Variants in ZCCHC7 observed in about 807,000 individuals in gnomAD.
ZCCHC7 encodes zinc finger CCHC domain-containing protein 7.
A neutral mutation model predicts 52.0 loss-of-function variants in ZCCHC7; 35 were observed. That is an observed-to-expected ratio of 0.67 (90% CI 0.51 to 0.89). The LOEUF (loss-of-function observed/expected upper bound fraction) is 0.89. ZCCHC7 is among the 40% of genes least tolerant of loss of function. The probability of loss-of-function intolerance (pLI) is 0.00; values close to 1 mark genes in which losing one functional copy is unlikely to be tolerated. For synonymous variants in ZCCHC7, 217 were observed against 221.5 expected (o/e 0.98, Z 0.18); for missense variants, 574 against 649.1 (o/e 0.88, Z 1.26).
At chr9:37,280,276 C>A (rs1280967827) in intron 2 of ZCCHC7, among the ~76,000 whole-genome samples, 1 of 152,128 alleles carries the variant, frequency 6.6e-6, no homozygotes, top group Non-Finnish European at 1.5e-5. Context: ...AAGTCCACAA[C>A]CATAATTGGA....
At chr9:37,156,532 T>C (rs751873694) in intron 2 of ZCCHC7, among the ~76,000 whole-genome samples, 5 of 152,236 alleles carry the variant, frequency 3.3e-5, no homozygotes, top group African/African-American at 7.2e-5. Flanking sequence ...TTTTAAATTC[T>C]TTTCATAGCA....
chr9:37,129,328 G>A (rs1044986293), intron 2 of ZCCHC7, among the ~76,000 whole-genome samples: 20 of 152,156 alleles, frequency 1.3e-4, no homozygotes, highest in African/African-American at 4.6e-4. Context: ...TTCTGTTTTA[G>A]CCAAATAGAA....
intron 5 of ZCCHC7, among the ~76,000 whole-genome samples, chr9:37,307,387 CAT>C (rs935788261): frequency 6.6e-6 from 1 of 151,994 alleles, no homozygotes; most frequent in Non-Finnish European, 1.5e-5. Context: ...TACATAGTAA[CAT>C]ATGTTTATTT....
intron 2 of ZCCHC7, among the ~76,000 whole-genome samples, chr9:37,271,278 A>G (rs980597080): frequency 1.3e-5 from 2 of 152,212 alleles, no homozygotes; most frequent in Non-Finnish European, 2.9e-5. Context: ...TGAAAATACA[A>G]TCAGCAAAAT....
At position 37,302,214 on chromosome 9, in the gene ZCCHC7, A is replaced by G. The variant is rs1192902773; in HGVS notation, c.637A>G (p.Ser213Gly). The G allele has an allele frequency of 1.9e-6, 3 of 1,608,464 alleles. No individual in the cohort carries two copies. The highest frequency in any genetic ancestry group is 1.1e-5 in the South Asian group (1 of 90,262). Residue 213 changes from serine (S) to glycine (G), a missense_variant, in exon 3 of 9, where the codon AGT becomes GGT. Around this residue, in one of 3 missense-constraint regions of ZCCHC7, gnomAD observed 403 missense variants for 461.2 expected, o/e 0.87. Transcript: ENST00000336755. ...EGEDGINWSI[S>G]DKDIEAQIAN... The stretch of plus-strand genomic sequence containing the variant: ...AGAAGATGGTATAAACTGGTCCATC[A>G]GTGACAAAGACATTGAGGTAAAATC...
intron 2 of ZCCHC7, among the ~76,000 whole-genome samples, chr9:37,293,819 G>T (rs1382281579): frequency 6.6e-6 from 1 of 152,012 alleles, no homozygotes; most frequent in East Asian, 1.9e-4. Flanking sequence ...CATAGACAAA[G>T]GCCTTAATAT....
chr9:37,236,201 A>G (rs1029229940), intron 2 of ZCCHC7, among the ~76,000 whole-genome samples: 2 of 152,216 alleles, frequency 1.3e-5, no homozygotes, highest in South Asian at 2.1e-4. Flanking sequence ...CTCCACATCT[A>G]TGCCAGCATT....
chr9:37,344,751 T>A (rs1820856202), intron 6 of ZCCHC7, among the ~76,000 whole-genome samples: 1 of 152,248 alleles, frequency 6.6e-6, no homozygotes, highest in Non-Finnish European at 1.5e-5. Flanking sequence ...TGGCTCTATT[T>A]ATCTTCCACC....
intron 2 of ZCCHC7, among the ~76,000 whole-genome samples, chr9:37,244,541 C>T (rs1444486167): frequency 1.3e-5 from 2 of 151,658 alleles, no homozygotes; most frequent in African/African-American, 4.8e-5. Flanking sequence ...TAATAAACTT[C>T]CTGGAAGTGA....
rs368426923 is a variant in ZCCHC7 at position 37,357,205 on chromosome 9, G to A, written c.1569G>A (p.Arg523=). 1.2e-6 allele frequency: 2 copies of A among 1,611,616 alleles called. No homozygotes were observed. The highest frequency in any genetic ancestry group is 1.7e-6 in the Non-Finnish European group (2 of 1,179,474). Residue 523 remains arginine, a synonymous_variant, in exon 9 of 9, where the codon AGG becomes AGA. Coordinates refer to ENST00000336755, the MANE Select transcript of ZCCHC7 (RefSeq NM_032226.3). ...GGGGCAAGCAGAAGAAAAAGGAGAG[G>A]TGCTGGGAAGATGATGACAATGATA... ...GKRGKQKKKE[R]CWEDDDNDNL... is the part of the protein sequence containing the mutation.
intron 2 of ZCCHC7, among the ~76,000 whole-genome samples, chr9:37,233,023 C>T (rs1469893481): frequency 3.3e-5 from 5 of 152,090 alleles, no homozygotes; most frequent in Non-Finnish European, 5.9e-5. Flanking sequence ...AAAGTAACAT[C>T]GCCATTCTAT....
At chr9:37,193,305 A>T (rs2133114852) in intron 2 of ZCCHC7, among the ~76,000 whole-genome samples, 1 of 152,274 alleles carries the variant, frequency 6.6e-6, no homozygotes, top group Non-Finnish European at 1.5e-5. Context: ...AGCTTTAAAA[A>T]TTTCTGACGG....
intron 2 of ZCCHC7, among the ~76,000 whole-genome samples, chr9:37,294,783 A>G (rs1426989458): frequency 3.9e-5 from 6 of 152,158 alleles, no homozygotes; most frequent in Admixed American, 3.9e-4. Flanking sequence ...ATAACTGGAT[A>G]GATAAAATAG....
chr9:37,136,682 C>T (rs1296706027), intron 2 of ZCCHC7, among the ~76,000 whole-genome samples: 1 of 152,170 alleles, frequency 6.6e-6, no homozygotes, highest in Non-Finnish European at 1.5e-5. Flanking sequence ...CCATGTTGCT[C>T]ATGTTGCTGG....
intron 2 of ZCCHC7, among the ~76,000 whole-genome samples, chr9:37,198,739 G>C (rs1823424843): frequency 6.6e-6 from 1 of 152,304 alleles, no homozygotes; most frequent in South Asian, 2.1e-4. Flanking sequence ...CTCTAGTACA[G>C]TATCTTAGGG....
At chr9:37,211,904 T>C (rs1349202290) in intron 2 of ZCCHC7, among the ~76,000 whole-genome samples, 1 of 151,328 alleles carries the variant, frequency 6.6e-6, no homozygotes, top group Non-Finnish European at 1.5e-5. Flanking sequence ...GGCAGGCGCC[T>C]GTAGTCCCAG....
intron 2 of ZCCHC7, among the ~76,000 whole-genome samples, chr9:37,154,821 G>A (rs572636405): frequency 8.6e-5 from 13 of 151,984 alleles, no homozygotes; most frequent in Admixed American, 3.9e-4. Flanking sequence ...GATCTCAGTT[G>A]GATTGTTTAA....
At chr9:37,232,404 C>G (rs1373859048) in intron 2 of ZCCHC7, among the ~76,000 whole-genome samples, 1 of 152,182 alleles carries the variant, frequency 6.6e-6, no homozygotes, top group Non-Finnish European at 1.5e-5. Flanking sequence ...TTTCATCTAG[C>G]CAGGAAATTG....
chr9:37,241,934 A>G (rs1040950511), intron 2 of ZCCHC7, among the ~76,000 whole-genome samples: 11 of 151,962 alleles, frequency 7.2e-5, no homozygotes, highest in South Asian at 4.1e-4. Flanking sequence ...CATTCAGAAT[A>G]TATAATTCCA....
Sources: allele counts gnomAD v4.1 joint callset (sites outside exome capture counted in the v4.1 genomes callset), GRCh38; gene constraint gnomAD v4.1.1; regional missense constraint gnomAD v4.1.1; transcripts MANE v1.5; gene names NCBI Gene and HGNC (gene_info 2026-07-23, HGNC 2026-07-21).